Variants in BCKDHB observed in about 807,000 individuals in gnomAD.
BCKDHB encodes 2-oxoisovalerate dehydrogenase subunit beta, mitochondrial.
In BCKDHB, 41 loss-of-function variants were observed where a neutral mutation model predicts 48.5. The ratio of observed to expected loss-of-function variants is 0.85; its 90% CI spans 0.66 to 1.10. The LOEUF (loss-of-function observed/expected upper bound fraction) is 1.10, where lower values mean the gene tolerates loss of function less well. Among genes scored for constraint, BCKDHB ranks in the 50% least tolerant of loss-of-function variants. The pLI is 0.00. For missense variants in BCKDHB, 496 were observed against 494.2 expected, an observed-to-expected ratio of 1.00 and a Z score of -0.03; for synonymous variants, 201 against 174.8, an observed-to-expected ratio of 1.15 and a Z score of -1.18.
At chr6:80,220,470 C>T (rs1404841782) in intron 8 of BCKDHB, among the ~76,000 whole-genome samples, 1 of 130,754 alleles carries the variant, frequency 7.6e-6, no homozygotes, top group Non-Finnish European at 1.6e-5. Context: ...ATTCTGGATA[C>T]CTGACTGGTG....
rs1582194553 is a variant in BCKDHB, at chr6:80,129,046, T to C, written c.275-115T>C. 4 of 797,252 alleles carry C rather than the reference T, an allele frequency of 5.0e-6. No homozygotes were observed. The East Asian group carries it at 8.3e-5, about 17-fold the overall frequency. 49.4% of individuals were successfully genotyped at this position (797,252 alleles called of 1,614,324 possible). On this transcript the variant is annotated intron_variant, in intron 2 of 9. Transcript: ENST00000320393. The stretch of plus-strand genomic sequence containing the variant: ...GTTGAGAAACCTTGATCGAGATCTA[T>C]GGTCCATTTATCTTTTGTGATTTAA...
chr6:80,202,204 T>G (rs1388660635), intron 7 of BCKDHB, among the ~76,000 whole-genome samples: 5 of 152,174 alleles, frequency 3.3e-5, no homozygotes, highest in African/African-American at 1.2e-4. Flanking sequence ...CCCTTTGTCT[T>G]GAAGAAGAGG....
At chr6:80,466,212 G>A in the BCKDHB span, among the ~76,000 whole-genome samples, 1 of 151,710 alleles carries the variant, frequency 6.6e-6, no homozygotes, top group Non-Finnish European at 1.5e-5. Flanking sequence ...TCATCTTTAG[G>A]TATATTATAT....
chr6:80,428,011 A>G, the BCKDHB span, among the ~76,000 whole-genome samples: 1 of 151,786 alleles, frequency 6.6e-6, no homozygotes, highest in Non-Finnish European at 1.5e-5. Context: ...TCCTAACGCT[A>G]TCCCTCCCCT....
At chr6:80,348,078 G>A (rs1371317509), downstream of BCKDHB, among the ~76,000 whole-genome samples, 3 of 151,838 alleles carry the variant, frequency 2.0e-5, no homozygotes, top group Non-Finnish European at 4.4e-5. Flanking sequence ...TGCAACTAAT[G>A]GAATAGCTAA....
intron 8 of BCKDHB, among the ~76,000 whole-genome samples, chr6:80,214,166 T>A (rs1054795346): frequency 3.9e-5 from 6 of 151,930 alleles, no homozygotes; most frequent in African/African-American, 1.5e-4. Flanking sequence ...AAAGGGAAAT[T>A]GTAGAGCTGG....
At chr6:80,360,640 A>G in the BCKDHB span, among the ~76,000 whole-genome samples, 1 of 152,152 alleles carries the variant, frequency 6.6e-6, no homozygotes, top group Non-Finnish European at 1.5e-5. Context: ...TGAGGACCCC[A>G]AATCTACTTG....
At chr6:80,124,960 A>G (rs1269079992) in intron 1 of BCKDHB, among the ~76,000 whole-genome samples, 2 of 152,318 alleles carry the variant, frequency 1.3e-5, no homozygotes, top group African/African-American at 2.4e-5. Flanking sequence ...CAGCTACATT[A>G]GCCCCTTACA....
At chr6:80,273,299 C>A in intron 9 of BCKDHB, 78 bp downstream of exon 9, 1 of 1,211,000 alleles carries the variant, frequency 8.3e-7, no homozygotes, top group Non-Finnish European at 1.2e-6. Flanking sequence ...AATTACTTAT[C>A]ACAATATGTG....
chr6:80,300,021 C>T (rs144239805), intron 9 of BCKDHB, among the ~76,000 whole-genome samples: 208 of 148,676 alleles, frequency 1.4e-3, no homozygotes, highest in African/African-American at 4.8e-3. Flanking sequence ...ATCATGCAAA[C>T]GGAAAACAAA....
At chr6:80,112,400 C>T (rs932976557) in intron 1 of BCKDHB, among the ~76,000 whole-genome samples, 1 of 152,170 alleles carries the variant, frequency 6.6e-6, no homozygotes, top group Non-Finnish European at 1.5e-5. Context: ...GAGAACACCA[C>T]ATGCTAACCA....
intron 1 of BCKDHB, among the ~76,000 whole-genome samples, chr6:80,114,615 AAAG>A (rs928398654): frequency 2.6e-5 from 4 of 152,302 alleles, no homozygotes; most frequent in African/African-American, 9.6e-5. Flanking sequence ...AGGATGAAAA[AAAG>A]GAAGACATTG....
intron 9 of BCKDHB, among the ~76,000 whole-genome samples, chr6:80,322,425 G>T (rs1768787348): frequency 6.6e-6 from 1 of 151,798 alleles, no homozygotes; most frequent in Non-Finnish European, 1.5e-5. Context: ...TTTTAGTAGA[G>T]ACAGGGTTTC....
At chr6:80,397,404 T>C in the BCKDHB span, among the ~76,000 whole-genome samples, 1 of 152,176 alleles carries the variant, frequency 6.6e-6, no homozygotes, top group African/African-American at 2.4e-5. Flanking sequence ...CAATTGTGTG[T>C]GTGTATGTGT....
chr6:80,132,708 T>C (rs975947424), intron 3 of BCKDHB, among the ~76,000 whole-genome samples: 3 of 152,188 alleles, frequency 2.0e-5, no homozygotes, highest in Non-Finnish European at 4.4e-5. Context: ...TTTAGGGCAG[T>C]GAAGTTACAC....
the BCKDHB span, among the ~76,000 whole-genome samples, chr6:80,407,979 T>C: frequency 0.79 from 120,629 of 152,120 alleles, 50,758 homozygotes; most frequent in East Asian, 0.95. Flanking sequence ...AGTATGATAT[T>C]GGCTGTGGGT....
chr6:80,324,891 G>C (rs1460640727), intron 9 of BCKDHB, among the ~76,000 whole-genome samples: 2 of 152,140 alleles, frequency 1.3e-5, no homozygotes, highest in African/African-American at 4.8e-5. Context: ...ACTGAGGCTG[G>C]GGGAATGGAA....
intron 8 of BCKDHB, among the ~76,000 whole-genome samples, chr6:80,203,872 C>G (rs1774513066): frequency 6.6e-6 from 1 of 151,882 alleles, no homozygotes. Context: ...CACACCAATG[C>G]CAAGATAATT....
chr6:80,380,670 T>A, the BCKDHB span, among the ~76,000 whole-genome samples: 2 of 152,078 alleles, frequency 1.3e-5, no homozygotes, highest in African/African-American at 4.8e-5. Context: ...GAGAAGATAT[T>A]TGCAAATTAT....
Sources: allele counts gnomAD v4.1 joint callset (sites outside exome capture counted in the v4.1 genomes callset), GRCh38; gene constraint gnomAD v4.1.1; transcripts MANE v1.5; gene names NCBI Gene and HGNC (gene_info 2026-07-23, HGNC 2026-07-21).